Variants in KLHL20 observed in about 807,000 individuals in gnomAD.
The protein encoded by KLHL20 is kelch like family member 20.
In KLHL20, 29 loss-of-function variants were observed where a neutral mutation model predicts 69.5. The ratio of observed to expected loss-of-function variants is 0.42; its 90% confidence interval spans 0.31 to 0.57. The LOEUF (loss-of-function observed/expected upper bound fraction) is 0.57, where lower values mean the gene tolerates loss of function less well. KLHL20 is among the 20% of genes least tolerant of loss of function. KLHL20 has a pLI of 0.18. For synonymous variants in KLHL20, 253 were observed against 265.2 expected (o/e 0.95, Z 0.45); for missense variants, 419 against 776.0 (o/e 0.54, Z 5.47).
chr1:173,747,812 T>C (rs1673133875), intron 3 of KLHL20, among the ~76,000 whole-genome samples: 1 of 151,118 alleles, frequency 6.6e-6, no homozygotes, highest in Non-Finnish European at 1.5e-5. Flanking sequence ...TGGTTACTTT[T>C]ACAAACTAGA....
chr1:173,738,399 A>G (rs1672637593), intron 3 of KLHL20, among the ~76,000 whole-genome samples: 1 of 152,054 alleles, frequency 6.6e-6, no homozygotes, highest in Non-Finnish European at 1.5e-5. Context: ...CAAACTCCTG[A>G]GCTCAGGCAA....
intron 3 of KLHL20, among the ~76,000 whole-genome samples, chr1:173,738,673 G>T (rs893589848): frequency 5.3e-5 from 8 of 152,090 alleles, no homozygotes; most frequent in Non-Finnish European, 1.5e-5. Context: ...TCCCTTCTAT[G>T]CCGATTTTCC....
intron 3 of KLHL20, chr1:173,741,985 A>G: frequency 1.6e-6 from 1 of 615,486 alleles, no homozygotes; most frequent in Non-Finnish European, 2.8e-6. Context: ...CATTTTGGAT[A>G]AAAAAAATTG....
chr1:173,778,772 C>T (rs936310740), intron 10 of KLHL20, among the ~76,000 whole-genome samples: 2 of 152,108 alleles, frequency 1.3e-5, no homozygotes, highest in African/African-American at 4.8e-5. Context: ...TCATAATAGC[C>T]TCTAATTATC....
intron 8 of KLHL20, among the ~76,000 whole-genome samples, chr1:173,773,833 GA>G (rs1648267559): frequency 6.6e-6 from 1 of 151,954 alleles, no homozygotes; most frequent in Non-Finnish European, 1.5e-5. Context: ...CTAACATGGC[GA>G]AACCCCATCT....
At chr1:173,775,545 T>C (rs562880020) in intron 9 of KLHL20, 89 bp from the exon 10 acceptor site, 1 of 1,068,836 alleles carries the variant, frequency 9.4e-7, no homozygotes, top group East Asian at 2.4e-5. Context: ...AAAATATGTG[T>C]TATCACAAAG....
At chr1:173,729,491 C>G (rs569786790) in intron 2 of KLHL20, among the ~76,000 whole-genome samples, 163 of 152,218 alleles carry the variant, frequency 1.1e-3, no homozygotes, top group Middle Eastern at 3.4e-3. Flanking sequence ...ACTGGCAAAC[C>G]GAATCCAGCA....
chr1:173,783,319 A>T (rs187062959), intron 11 of KLHL20, among the ~76,000 whole-genome samples: 1 of 152,312 alleles, frequency 6.6e-6, no homozygotes, highest in African/African-American at 2.4e-5. Flanking sequence ...TCTTATGACC[A>T]TGAAGGATAA....
At chr1:173,739,739 C>G (rs1057125189) in intron 3 of KLHL20, among the ~76,000 whole-genome samples, 7 of 150,958 alleles carry the variant, frequency 4.6e-5, no homozygotes, top group Non-Finnish European at 2.9e-5. Flanking sequence ...GCAACCTCTG[C>G]CTCCCGGGTT....
At chr1:173,740,369 CA>C in intron 3 of KLHL20, among the ~76,000 whole-genome samples, 1 of 151,976 alleles carries the variant, frequency 6.6e-6, no homozygotes, top group East Asian at 1.9e-4. Flanking sequence ...CTCGGCCTCC[CA>C]AAGTGCTGGG....
intron 2 of KLHL20, among the ~76,000 whole-genome samples, chr1:173,719,475 G>A (rs1410779543): frequency 6.6e-6 from 1 of 152,110 alleles, no homozygotes; most frequent in Non-Finnish European, 1.5e-5. Context: ...GCTGGGCATG[G>A]TGGTGCGTGC....
chr1:173,753,852 G>T (rs1484447735), intron 5 of KLHL20, among the ~76,000 whole-genome samples: 1 of 151,960 alleles, frequency 6.6e-6, no homozygotes, highest in African/African-American at 2.4e-5. Flanking sequence ...CAAAGGGGGG[G>T]AAAAAAGCAA....
Position 173,774,397 on chromosome 1 carries a change from A to G in KLHL20, c.1388A>G (p.Tyr463Cys). The G allele has an allele frequency of 6.2e-7, 1 of 1,614,134 alleles. No homozygotes were observed. The highest frequency in any genetic ancestry group is 8.5e-7 in the Non-Finnish European group (1 of 1,180,012). The change falls in exon 9 of 12, where the codon TAT becomes TGT. Residue 463 changes from tyrosine (Y) to cysteine (C), a missense_variant. By Grantham distance (194) the Tyr-to-Cys change is radical (BLOSUM62 -2). Coordinates refer to ENST00000209884, the MANE Select transcript of KLHL20 (RefSeq NM_014458.4). The stretch of plus-strand genomic sequence containing the variant: ...GTGGCTGTGTTAGGAGGGTTCTTAT[A>G]TGCTGTAGGTGGCTCTGACGGGACA... The part of the protein sequence containing the change: ...VAVAVLGGFL[Y>C]AVGGSDGTSP...
intron 3 of KLHL20, among the ~76,000 whole-genome samples, chr1:173,742,666 T>C (rs1672863845): frequency 6.6e-6 from 1 of 150,968 alleles, no homozygotes; most frequent in Non-Finnish European, 1.5e-5. Flanking sequence ...TACACGTATG[T>C]GTATATATAT....
intron 7 of KLHL20, among the ~76,000 whole-genome samples, chr1:173,759,484 C>T (rs1272030285): frequency 6.6e-6 from 1 of 152,132 alleles, no homozygotes; most frequent in Non-Finnish European, 1.5e-5. Flanking sequence ...GTCCATTGCA[C>T]CCTCCACCAG....
chr1:173,720,056 A>G (rs1334406149), intron 2 of KLHL20, among the ~76,000 whole-genome samples: 2 of 152,162 alleles, frequency 1.3e-5, no homozygotes, highest in African/African-American at 4.8e-5. Flanking sequence ...TAGGTGTTCA[A>G]GGCTGCAGTG....
chr1:173,739,928 A>G (rs1672719376), intron 3 of KLHL20, among the ~76,000 whole-genome samples: 1 of 152,100 alleles, frequency 6.6e-6, no homozygotes, highest in Non-Finnish European at 1.5e-5. Context: ...GGCGTGAGCC[A>G]CCACGCCCAG....
At chr1:173,778,147 A>G (rs1362073369) in intron 10 of KLHL20, among the ~76,000 whole-genome samples, 2 of 151,848 alleles carry the variant, frequency 1.3e-5, no homozygotes, top group Non-Finnish European at 2.9e-5. Flanking sequence ...ACATGTGCCT[A>G]CATGTGCCAT....
At chr1:173,743,425 C>T (rs1352814890) in intron 3 of KLHL20, among the ~76,000 whole-genome samples, 1 of 151,752 alleles carries the variant, frequency 6.6e-6, no homozygotes, top group African/African-American at 2.4e-5. Flanking sequence ...TTGCCAATAT[C>T]ATATTCCTTT....
Sources: allele counts gnomAD v4.1 joint callset (sites outside exome capture counted in the v4.1 genomes callset), GRCh38; gene constraint gnomAD v4.1.1; transcripts MANE v1.5; gene names NCBI Gene and HGNC (gene_info 2026-07-23, HGNC 2026-07-21).